The following ARL15 variants were observed in gnomAD, a reference collection of about 807,000 sequenced individuals.
The protein encoded by ARL15 is ADP-ribosylation factor-like protein 15.
Under a neutral mutation model 25.2 loss-of-function variants are expected in ARL15, and 19 were observed. The ratio of observed to expected loss-of-function variants is 0.75; its 90% CI spans 0.53 to 1.10. The LOEUF is 1.10. ARL15 is among the 50% of genes least tolerant of loss of function. The pLI, the probability that ARL15 is intolerant of heterozygous loss-of-function variation, is 0.00. For synonymous variants in ARL15, 94 were observed against 86.8 expected, an observed-to-expected ratio of 1.08 and a Z score of -0.46; for missense variants, 220 against 246.0, an observed-to-expected ratio of 0.89 and a Z score of 0.71.
intron 4 of ARL15, among the ~76,000 whole-genome samples, chr5:53,974,858 GA>G (rs750307411): frequency 9.2e-5 from 14 of 152,192 alleles, no homozygotes; most frequent in Non-Finnish European, 1.2e-4. Context: ...ACCTAGGAGA[GA>G]AAACTGATCT....
intron 4 of ARL15, among the ~76,000 whole-genome samples, chr5:53,991,189 A>G (rs1397367443): frequency 1.3e-5 from 2 of 152,318 alleles, no homozygotes; most frequent in African/African-American, 4.8e-5. Flanking sequence ...AGATCTAAAC[A>G]GAATGAAAGG....
intron 1 of ARL15, among the ~76,000 whole-genome samples, chr5:54,289,374 A>G (rs1014113221): frequency 6.6e-6 from 1 of 152,012 alleles, no homozygotes; most frequent in Admixed American, 6.6e-5. Flanking sequence ...AAAAAAAAAA[A>G]AAGAGAGAAT....
intron 4 of ARL15, among the ~76,000 whole-genome samples, chr5:53,991,561 A>AAAAGGGG (rs1388513035): frequency 1.1e-5 from 1 of 92,070 alleles, no homozygotes; most frequent in Non-Finnish European, 2.2e-5. Context: ...AAAAAAAAAA[A>AAAAGGGG]GGGGGGGCGG....
chr5:54,253,326 T>C (rs1175184264), intron 1 of ARL15, among the ~76,000 whole-genome samples: 5 of 152,004 alleles, frequency 3.3e-5, no homozygotes, highest in Non-Finnish European at 1.5e-5. Flanking sequence ...AATAATGGAT[T>C]ATGAAGCTGG....
intron 3 of ARL15, among the ~76,000 whole-genome samples, chr5:54,133,002 T>C (rs998064522): frequency 2.6e-5 from 4 of 152,240 alleles, no homozygotes; most frequent in African/African-American, 7.2e-5. Context: ...CAATAGAATG[T>C]ATTTCTAATA....
intron 4 of ARL15, among the ~76,000 whole-genome samples, chr5:54,065,941 G>A (rs1047432141): frequency 6.6e-6 from 1 of 152,106 alleles, no homozygotes; most frequent in Non-Finnish European, 1.5e-5. Flanking sequence ...CACATTTGTG[G>A]TCTGCATTAC....
At chr5:53,950,982 GC>G (rs1033852030) in intron 4 of ARL15, among the ~76,000 whole-genome samples, 1 of 152,190 alleles carries the variant, frequency 6.6e-6, no homozygotes, top group African/African-American at 2.4e-5. Flanking sequence ...GCCAAATCCA[GC>G]CCACTCCCTG....
chr5:54,297,873 C>A (rs893865401), intron 1 of ARL15, among the ~76,000 whole-genome samples: 12 of 152,182 alleles, frequency 7.9e-5, no homozygotes, highest in Non-Finnish European at 1.3e-4. Flanking sequence ...AGCTCCACCT[C>A]CCAGGTTCAC....
rs187061195 is a variant in ARL15 at position 53,955,011 on chromosome 5, T to C, written c.463-68298A>G. Among the ~76,000 whole-genome samples the C allele has an allele frequency of 1.7e-4, 26 of 151,786 alleles. No homozygotes were observed. The East Asian group carries it at 4.8e-3, about 28-fold the overall frequency. ...ACTTCTTCCAGCACTGAAATGCACA[T>C]CTCCTGCTTTAGATTAACTTAATAA... On this transcript the variant is annotated intron_variant, in intron 4 of 4. Transcript: ENST00000504924.
intron 1 of ARL15, among the ~76,000 whole-genome samples, chr5:54,273,541 T>C (rs1285137605): frequency 6.6e-6 from 1 of 152,190 alleles, no homozygotes; most frequent in Non-Finnish European, 1.5e-5. Flanking sequence ...AATAAATTCA[T>C]ATTGAATACC....
At chr5:54,237,289 C>T (rs1165168896) in intron 1 of ARL15, among the ~76,000 whole-genome samples, 1 of 152,224 alleles carries the variant, frequency 6.6e-6, no homozygotes, top group Non-Finnish European at 1.5e-5. Flanking sequence ...TGTAAGTTTC[C>T]TGAGGCCTCA....
chr5:53,973,510 G>A (rs1385233422), intron 4 of ARL15, among the ~76,000 whole-genome samples: 1 of 149,496 alleles, frequency 6.7e-6, no homozygotes, highest in Non-Finnish European at 1.5e-5. Flanking sequence ...GGAGGCAGAG[G>A]TTGCAGTGAG....
intron 1 of ARL15, among the ~76,000 whole-genome samples, chr5:54,216,201 G>T (rs1756201788): frequency 6.6e-6 from 1 of 152,178 alleles, no homozygotes; most frequent in Admixed American, 6.5e-5. Flanking sequence ...AAATTTTTCA[G>T]TAAATATGTT....
At chr5:54,153,564 T>C (rs1754131765) in intron 3 of ARL15, among the ~76,000 whole-genome samples, 1 of 152,154 alleles carries the variant, frequency 6.6e-6, no homozygotes, top group African/African-American at 2.4e-5. Context: ...CCAAATGTCT[T>C]AAAGAAAAAT....
At chr5:54,179,329 T>C (rs1256372013) in intron 1 of ARL15, among the ~76,000 whole-genome samples, 1 of 152,146 alleles carries the variant, frequency 6.6e-6, no homozygotes, top group East Asian at 1.9e-4. Context: ...GATCAGAGCA[T>C]CAGAAGTGGG....
At chr5:53,960,246 C>G (rs891058097) in intron 4 of ARL15, among the ~76,000 whole-genome samples, 1 of 152,150 alleles carries the variant, frequency 6.6e-6, no homozygotes, top group Non-Finnish European at 1.5e-5. Context: ...AAGAGATAAA[C>G]ATTTCCTGGT....
At chr5:54,232,687 T>A (rs964462602) in intron 1 of ARL15, among the ~76,000 whole-genome samples, 43 of 152,284 alleles carry the variant, frequency 2.8e-4, no homozygotes, top group African/African-American at 9.4e-4. Context: ...TTCTCAGAAC[T>A]TGTGTTCAGG....
At chr5:53,970,489 AGAGAGAGAGAGG>A (rs903191682) in intron 4 of ARL15, among the ~76,000 whole-genome samples, 1 of 124,226 alleles carries the variant, frequency 8.0e-6, no homozygotes, top group Non-Finnish European at 1.9e-5. Context: ...AGTGAGAAAG[AGAGAGAGAGAGG>A]GAGAGAGAGA....
chr5:54,042,624 CACGT>C (rs1750376508), intron 4 of ARL15, among the ~76,000 whole-genome samples: 2 of 152,308 alleles, frequency 1.3e-5, no homozygotes, highest in South Asian at 4.1e-4. Context: ...CCTTACATAA[CACGT>C]AGGGTTCTCT....
Sources: allele counts gnomAD v4.1 joint callset (sites outside exome capture counted in the v4.1 genomes callset), GRCh38; gene constraint gnomAD v4.1.1; transcripts MANE v1.5; gene names NCBI Gene and HGNC (gene_info 2026-07-23, HGNC 2026-07-21).